Variants in MCU observed in about 807,000 individuals in gnomAD.
MCU encodes calcium uniporter protein, mitochondrial.
In MCU, 12 loss-of-function variants were observed where a neutral mutation model predicts 45.2. The observed-to-expected ratio is 0.27, with a 90% CI of 0.17 to 0.43. The LOEUF is 0.43. MCU is among the 20% of genes least tolerant of loss of function. The probability of loss-of-function intolerance (pLI) is 1.00; values close to 1 mark genes in which losing one functional copy is unlikely to be tolerated. For missense variants in MCU, 324 were observed against 436.7 expected, an observed-to-expected ratio of 0.74 and a Z score of 2.30; for synonymous variants, 160 against 165.1, an observed-to-expected ratio of 0.97 and a Z score of 0.24.
intron 1 of MCU, among the ~76,000 whole-genome samples, chr10:72,790,537 A>G (rs899542226): frequency 6.6e-6 from 1 of 152,192 alleles, no homozygotes; most frequent in Admixed American, 6.5e-5. Flanking sequence ...ATTCTGATGT[A>G]TTTTATTTTT....
At chr10:72,858,261 A>G (rs1413511183) in intron 2 of MCU, among the ~76,000 whole-genome samples, 1 of 152,218 alleles carries the variant, frequency 6.6e-6, no homozygotes, top group East Asian at 1.9e-4. Context: ...ACTGATCTTC[A>G]TGCCCCTTCA....
intron 1 of MCU, among the ~76,000 whole-genome samples, chr10:72,695,382 C>G (rs924562192): frequency 6.6e-6 from 1 of 152,318 alleles, no homozygotes; most frequent in South Asian, 2.1e-4. Context: ...GGTCCTAACT[C>G]TTTAATTGAG....
intron 1 of MCU, among the ~76,000 whole-genome samples, chr10:72,754,605 G>A (rs1843548294): frequency 6.6e-6 from 1 of 152,152 alleles, no homozygotes; most frequent in South Asian, 2.1e-4. Context: ...AAATTAGCCA[G>A]GCATGTTGGC....
intron 1 of MCU, among the ~76,000 whole-genome samples, chr10:72,768,998 T>G (rs1481350806): frequency 2.0e-5 from 3 of 151,944 alleles, no homozygotes; most frequent in Non-Finnish European, 2.9e-5. Flanking sequence ...ACTACAGGCA[T>G]GCACCACCAT....
chr10:72,804,956 A>C (rs1232579125), intron 1 of MCU, among the ~76,000 whole-genome samples: 1 of 152,008 alleles, frequency 6.6e-6, no homozygotes, highest in Non-Finnish European at 1.5e-5. Context: ...TTTTTTGTAG[A>C]GATGAGGATT....
intron 2 of MCU, among the ~76,000 whole-genome samples, chr10:72,844,699 CAT>C (rs1268573601): frequency 6.6e-6 from 1 of 152,032 alleles, no homozygotes; most frequent in African/African-American, 2.4e-5. Flanking sequence ...TTTTGTCTAA[CAT>C]ATAATTTAAC....
intron 1 of MCU, among the ~76,000 whole-genome samples, chr10:72,712,049 A>G (rs1842901958): frequency 6.7e-6 from 1 of 150,066 alleles, no homozygotes; most frequent in African/African-American, 2.4e-5. Flanking sequence ...CCCAAAAAAC[A>G]AAAAAAAACT....
intron 4 of MCU, 94 bp downstream of exon 4, chr10:72,860,621 C>A: frequency 1.1e-6 from 1 of 952,088 alleles, no homozygotes; most frequent in Non-Finnish European, 1.6e-6. Flanking sequence ...GAGAAACAGA[C>A]AGTATTCAAA....
chr10:72,866,887 T>G (rs1260927488), intron 4 of MCU, among the ~76,000 whole-genome samples: 1 of 151,872 alleles, frequency 6.6e-6, no homozygotes, highest in Non-Finnish European at 1.5e-5. Context: ...TACTTCAGCC[T>G]CCTAGAGTGC....
intron 1 of MCU, among the ~76,000 whole-genome samples, chr10:72,753,180 A>AT (rs1843526651): frequency 6.6e-6 from 1 of 152,156 alleles, no homozygotes; most frequent in Non-Finnish European, 1.5e-5. Flanking sequence ...TAATGAAATA[A>AT]TTTTTTTCTC....
At chr10:72,727,161 A>G (rs1843112705) in intron 1 of MCU, among the ~76,000 whole-genome samples, 1 of 152,198 alleles carries the variant, frequency 6.6e-6, no homozygotes, top group Non-Finnish European at 1.5e-5. Flanking sequence ...CAGCTTGAAA[A>G]GATAAATATA....
chr10:72,792,866 T>C (rs1844184985), intron 1 of MCU, among the ~76,000 whole-genome samples: 1 of 151,986 alleles, frequency 6.6e-6, no homozygotes, highest in South Asian at 2.1e-4. Flanking sequence ...GCAATGATGA[T>C]TACACTGCCT....
Position 72,748,173 on chromosome 10 carries a change from G to T in MCU, c.150+55872G>T, listed in dbSNP as rs901510203. 2.6e-5 allele frequency among the ~76,000 whole-genome samples: 4 copies of T among 151,860 alleles called. No homozygotes were observed. The East Asian group carries it at 7.8e-4, about 30-fold the overall frequency. On this transcript the variant is annotated intron_variant, in intron 1 of 7. Transcript: ENST00000373053. ...AGTGATTCTCCTGCCTCAGCCACCT[G>T]AGTAGCTGGGACTACAGGTGCCCGC... is the stretch of plus-strand genomic sequence containing the variant.
intron 1 of MCU, among the ~76,000 whole-genome samples, chr10:72,779,828 GGGATTGTAAAATGGTACAGCTACTTA>G: frequency 6.6e-6 from 1 of 152,276 alleles, no homozygotes; most frequent in Non-Finnish European, 1.5e-5. Flanking sequence ...CATTGCTGTT[GGGATTGTAAAATGGTACAGCTACTTA>G]GGAAAATAGT....
chr10:72,709,525 AT>A (rs1842863639), intron 1 of MCU, among the ~76,000 whole-genome samples: 1 of 151,782 alleles, frequency 6.6e-6, no homozygotes, highest in African/African-American at 2.4e-5. Context: ...CTTTTTCCTG[AT>A]CTGTGAATGC....
intron 2 of MCU, among the ~76,000 whole-genome samples, chr10:72,852,438 T>C (rs1260086792): frequency 1.3e-5 from 2 of 152,194 alleles, no homozygotes; most frequent in East Asian, 3.8e-4. Flanking sequence ...AAATCGTACA[T>C]CCATGAAGTA....
chr10:72,707,945 A>G (rs967980279), intron 1 of MCU, among the ~76,000 whole-genome samples: 2 of 152,100 alleles, frequency 1.3e-5, no homozygotes, highest in African/African-American at 4.8e-5. Flanking sequence ...AGTAGCTGTG[A>G]CTACAGGCAC....
intron 1 of MCU, among the ~76,000 whole-genome samples, chr10:72,826,237 T>C (rs905245037): frequency 1.3e-5 from 2 of 152,116 alleles, no homozygotes; most frequent in African/African-American, 4.8e-5. Flanking sequence ...GTCCATGGAC[T>C]ACATTTCGAG....
intron 4 of MCU, 152 bp from the exon 5 acceptor site, chr10:72,868,551 C>CA (rs77707370): frequency 0.11 from 54,392 of 485,984 alleles, 176 homozygotes; most frequent in African/African-American, 0.14. Context: ...GACTTTGTCT[C>CA]AAAAAAAAAA....
Sources: gnomAD v4.1 joint callset for allele counts (sites outside exome capture counted in the v4.1 genomes callset) on GRCh38, gnomAD v4.1.1 for gene constraint, MANE v1.5 for transcripts, NCBI Gene and HGNC (gene_info 2026-07-23, HGNC 2026-07-21) for gene names.